Variants in RAPGEF3 observed in about 807,000 individuals in gnomAD.
The protein encoded by RAPGEF3 is 9330170P05Rik.
Under a neutral mutation model 129.8 loss-of-function variants are expected in RAPGEF3, and 103 were observed. The observed-to-expected ratio is 0.79, with a 90% confidence interval of 0.68 to 0.93. The LOEUF is 0.93. RAPGEF3 is among the 40% of genes least tolerant of loss of function. The pLI is 0.00. For synonymous variants in RAPGEF3, 436 were observed against 482.6 expected (o/e 0.90, Z 1.26); for missense variants, 1,117 against 1,207.4 (o/e 0.93, Z 1.11).
At chr12:47,758,305 C>T in intron 1 of RAPGEF3, 1 of 1,432,512 alleles carries the variant, frequency 7.0e-7, no homozygotes. Context: ...AAGATCAGGC[C>T]CTTCTTAGTC....
chr12:47,746,718 C>T lies in RAPGEF3; in HGVS notation c.1596+142G>A, dbSNP rs553570430. On this transcript the variant is annotated intron_variant, in intron 16 of 27. Transcript: ENST00000449771. ...AGGGCACCACATGCAGCAAGGGCCC[C>T]GTGAACACCTATCAGAGACCCAAGG... 1.1e-3 allele frequency: 1,146 copies of T among 1,015,794 alleles called. 12 individuals are homozygous for T. The African/African-American group carries it at 0.017, about 15-fold the overall frequency. The allele number at this position is 1,015,794 out of a possible 1,614,324, so 62.9% of individuals were successfully genotyped here.
At chr12:47,748,989 C>T in intron 10 of RAPGEF3, 58 bp from the exon 11 acceptor site, 1 of 1,354,448 alleles carries the variant, frequency 7.4e-7, no homozygotes, top group Non-Finnish European at 1.1e-6. Flanking sequence ...TAGACCCTCT[C>T]ATCTACCTCC....
intron 12 of RAPGEF3, 139 bp from the exon 13 acceptor site, chr12:47,748,291 G>T (rs1941548508): frequency 5.2e-6 from 5 of 954,426 alleles, no homozygotes; most frequent in Non-Finnish European, 6.4e-6. Flanking sequence ...CTGTGATAGT[G>T]CTCCCCACTA....
chr12:47,741,109 G>A, intron 19 of RAPGEF3, 69 bp from the exon 20 acceptor site: 1 of 1,539,968 alleles, frequency 6.5e-7, no homozygotes, highest in South Asian at 1.2e-5. Context: ...AGGGGGAGAG[G>A]GTTGGGGCAA....
chr12:47,757,353 A>G (rs1364397073), intron 2 of RAPGEF3, among the ~76,000 whole-genome samples: 1 of 152,130 alleles, frequency 6.6e-6, no homozygotes, highest in African/African-American at 2.4e-5. Flanking sequence ...AATGTCTCAG[A>G]ATCCTTCCCT....
chr12:47,755,578 A>C (rs781318774), intron 2 of RAPGEF3: 1 of 152,026 alleles, frequency 6.6e-6, no homozygotes, highest in Non-Finnish European at 1.5e-5. Context: ...TTATTTTCCA[A>C]AGATGTTCTT....
chr12:47,739,248 A>G lies in RAPGEF3; in HGVS notation c.2374-18T>C. Reference sequence around the variant, plus strand: ...GAGGGATCCTAGGGGAAGAAGCCACACTGAGGGGGTTGCACACACCATAAG... The same window carrying G: ...GAGGGATCCTAGGGGAAGAAGCCACGCTGAGGGGGTTGCACACACCATAAG... On this transcript the variant is annotated intron_variant, in intron 23 of 27. Transcript: ENST00000449771. 3.2e-6 allele frequency: 5 copies of G among 1,583,248 alleles called. No individual in the cohort carries two copies. Among genetic ancestry groups the G allele is most frequent in the Non-Finnish European group, 4.3e-6 (5 of 1,152,650 alleles).
At chr12:47,758,114 C>T (rs1257672908) in intron 1 of RAPGEF3, 36 bp from the exon 2 acceptor site, 1 of 1,540,142 alleles carries the variant, frequency 6.5e-7, no homozygotes, top group Non-Finnish European at 8.8e-7. Flanking sequence ...AGCCATGGGA[C>T]ACGACTGGGG....
At chr12:47,746,199 C>T (rs552877372) in intron 16 of RAPGEF3, 22 of 185,354 alleles carry the variant, frequency 1.2e-4, no homozygotes, top group East Asian at 3.7e-4. Context: ...GAGGGGAGAA[C>T]GGGCTTCGCC....
intron 18 of RAPGEF3, 74 bp downstream of exon 18, chr12:47,743,456 A>T: frequency 6.6e-7 from 1 of 1,519,972 alleles, no homozygotes; most frequent in Admixed American, 1.8e-5. Flanking sequence ...GATGACAATG[A>T]TCTTGACTGG....
intron 18 of RAPGEF3, 71 bp from the exon 19 acceptor site, chr12:47,741,673 G>A (rs1362630734): frequency 1.5e-6 from 2 of 1,317,096 alleles, no homozygotes; most frequent in Non-Finnish European, 2.2e-6. Flanking sequence ...ATGCCAGGGT[G>A]GAGGTGCTGT....
chr12:47,758,125 C>T (rs775251841), intron 1 of RAPGEF3, 47 bp from the exon 2 acceptor site: 9 of 1,529,566 alleles, frequency 5.9e-6, no homozygotes, highest in Non-Finnish European at 7.0e-6. Flanking sequence ...ACGACTGGGG[C>T]GGCTGGGCCA....
Position 47,751,306 on chromosome 12 carries a change from C to A in RAPGEF3, c.503-90G>T. ...CACTGCGATGCCACCCCTCAGCACTCCCCAAGTAGTGCCTGCTTCCCAGGA... is the reference window on the plus strand; with the variant it reads ...CACTGCGATGCCACCCCTCAGCACTACCCAAGTAGTGCCTGCTTCCCAGGA... On this transcript the variant is annotated intron_variant, in intron 5 of 27. Transcript: ENST00000449771. 25 of 1,576,464 alleles carry A rather than the reference C, an allele frequency of 1.6e-5. No homozygotes were observed. The South Asian group carries it at 2.9e-4, about 18-fold the overall frequency.
At position 47,735,795 on chromosome 12, in the gene RAPGEF3, C is replaced by G. The variant is rs978426303; in HGVS notation, c.*1772G>C. Reference sequence around the variant, plus strand: ...TGAAGGGCCACGGCTGGCTGGCTGGCTTTTGCCGAGACACCAGCAGACAAT... The same window carrying G: ...TGAAGGGCCACGGCTGGCTGGCTGGGTTTTGCCGAGACACCAGCAGACAAT... On this transcript the variant is annotated 3_prime_UTR_variant, in exon 28 of 28. Transcript: ENST00000449771. 3 of 152,496 alleles carry G rather than the reference C, an allele frequency of 2.0e-5. No homozygotes were observed. Among genetic ancestry groups the G allele is most frequent in the Non-Finnish European group, 4.4e-5 (3 of 68,280 alleles). The allele number at this position is 152,496 out of a possible 1,614,324, so 9.4% of individuals were successfully genotyped here. A position where few individuals can be genotyped will look rare whatever the true frequency, so the allele number is the denominator to read the frequency against.
At chr12:47,755,302 C>G (rs1941988581) in intron 2 of RAPGEF3, among the ~76,000 whole-genome samples, 1 of 152,162 alleles carries the variant, frequency 6.6e-6, no homozygotes, top group African/African-American at 2.4e-5. Context: ...TCTCACAGGG[C>G]TGTTGTGAGA....
intron 23 of RAPGEF3, chr12:47,739,859 C>G: frequency 1.9e-6 from 1 of 537,622 alleles, no homozygotes; most frequent in Non-Finnish European, 3.4e-6. Flanking sequence ...TGGACACCCA[C>G]ATGCTCCAGC....
chr12:47,746,405 C>T (rs1303296501), intron 16 of RAPGEF3: 1 of 508,234 alleles, frequency 2.0e-6, no homozygotes, highest in Admixed American at 4.2e-5. Context: ...GCTGCAGTCA[C>T]ATCTTCTCAT....
intron 22 of RAPGEF3, 47 bp from the exon 23 acceptor site, chr12:47,740,238 C>G: frequency 6.2e-7 from 1 of 1,612,584 alleles, no homozygotes; most frequent in Non-Finnish European, 8.5e-7. Flanking sequence ...GAGGCCCAGC[C>G]CCATCCAGCA....
chr12:47,741,626 T>TCG (rs1444072035), intron 18 of RAPGEF3, 24 bp from the exon 19 acceptor site: 1 of 1,388,696 alleles, frequency 7.2e-7, no homozygotes, highest in South Asian at 1.2e-5. Flanking sequence ...AGAGGCGGAC[T>TCG]GGGTGGGGGA....
Sources: gnomAD v4.1 joint callset for allele counts (sites outside exome capture counted in the v4.1 genomes callset) on GRCh38, gnomAD v4.1.1 for gene constraint, MANE v1.5 for transcripts, NCBI Gene and HGNC (gene_info 2026-07-23, HGNC 2026-07-21) for gene names.